AHRR: variants seen among roughly 807,000 people sequenced by gnomAD.
AHRR encodes ahR repressor.
Under a neutral mutation model 44.0 loss-of-function variants are expected in AHRR, and 28 were observed. The observed-to-expected ratio is 0.64, with a 90% CI of 0.47 to 0.87. The LOEUF (loss-of-function observed/expected upper bound fraction) is 0.87. Ranked by LOEUF, AHRR falls within the 40% of genes least tolerant of loss-of-function variation. The probability of loss-of-function intolerance (pLI) is 0.00; values close to 1 mark genes in which losing one functional copy is unlikely to be tolerated. For synonymous variants in AHRR, 434 were observed against 407.0 expected, an observed-to-expected ratio of 1.07 and a Z score of -0.80; for missense variants, 990 against 953.9, an observed-to-expected ratio of 1.04 and a Z score of -0.50.
chr5:343,782 G>A (rs1223088245), intron 1 of AHRR, 111 bp from the exon 2 acceptor site: 9 of 1,086,408 alleles, frequency 8.3e-6, no homozygotes, highest in Non-Finnish European at 1.2e-5. Context: ...GGGGCCTCGC[G>A]GGGTCGCGGG....
rs889887054 is a variant in AHRR at position 342,956 on chromosome 5, G to C, written c.-10-937G>C. ...GCTGGACTCAGGGCGCTGTGAGCTA[G>C]TGACTTAAGTGGAATCCCAGGACTG... On this transcript the variant is annotated intron_variant, in intron 1 of 10. Transcript: ENST00000684583. This position sits in a 1 kb window ranked among gnomAD's most constrained non-coding sequence, Gnocchi z 4.3. Among the ~76,000 whole-genome samples the C allele has an allele frequency of 6.6e-6, 1 of 152,212 alleles. No individual in the cohort carries two copies. Among genetic ancestry groups the C allele is most frequent in the Non-Finnish European group, 1.5e-5 (1 of 68,036 alleles).
intron 4 of AHRR, chr5:403,831 T>G: frequency 1.3e-6 from 2 of 1,548,600 alleles, no homozygotes; most frequent in African/African-American, 1.4e-5. Flanking sequence ...CTTCTCTTCC[T>G]TTTTGCTCAA....
intron 4 of AHRR, among the ~76,000 whole-genome samples, chr5:393,923 C>G (rs984439561): frequency 6.6e-6 from 1 of 152,200 alleles, no homozygotes; most frequent in African/African-American, 2.4e-5. Flanking sequence ...CCGCTGCGCC[C>G]GGCCTATTGC....
At position 353,749 on chromosome 5, in the gene AHRR, G is replaced by C; in HGVS notation, c.82G>C (p.Glu28Gln). Residue 28 changes from glutamate (E) to glutamine (Q), a missense_variant, in exon 3 of 11, where the codon GAG becomes CAG. Transcript: ENST00000684583. ...CCACAGGAGGCCCGCCGTGGGGGCA[G>C]AGAAGTCCAACCCCTCCAAGCGACA... is the stretch of plus-strand genomic sequence containing the variant. ...LQKQRPAVGA[E>Q]KSNPSKRHRD... The C allele has an allele frequency of 6.2e-7, 1 of 1,611,720 alleles. No homozygotes were observed.
intron 7 of AHRR, among the ~76,000 whole-genome samples, chr5:425,737 G>A (rs922591539): frequency 1.3e-5 from 2 of 152,220 alleles, no homozygotes; most frequent in African/African-American, 4.8e-5. Context: ...AAACAAGCCA[G>A]AGAAATTAGA....
At position 365,422 on chromosome 5, in the gene AHRR, A is replaced by T. The variant is rs1234036017; in HGVS notation, c.245-11188A>T. On this transcript the variant is annotated intron_variant, in intron 3 of 10. Coordinates refer to ENST00000684583, the MANE Select transcript of AHRR (RefSeq NM_001377236.1). ...AACGCATAGGTCAAAGAAGAAAAGA[A>T]GATGTAATTTAGAAATATTTAAAAT... Among the ~76,000 whole-genome samples the T allele has an allele frequency of 2.0e-5, 3 of 152,220 alleles. No homozygotes were observed. In the East Asian group the frequency reaches 5.8e-4, roughly 29 times the overall value.
intron 3 of AHRR, among the ~76,000 whole-genome samples, chr5:368,532 A>G (rs989399754): frequency 6.6e-6 from 1 of 152,368 alleles, no homozygotes; most frequent in African/African-American, 2.4e-5. Context: ...AGAATGCCCA[A>G]ATAGTTTGCT....
chr5:339,540 A>G (rs1466954391), intron 1 of AHRR, among the ~76,000 whole-genome samples: 3 of 151,706 alleles, frequency 2.0e-5, no homozygotes, highest in Non-Finnish European at 4.4e-5. Flanking sequence ...TACTTACTTT[A>G]CTGACTTATT....
rs371041924 is a variant in AHRR at position 434,336 on chromosome 5, C to T, written c.1596C>T (p.Ser532=). 6.2e-7 allele frequency: 1 copy of T among 1,612,620 alleles called. No individual in the cohort carries two copies. Among genetic ancestry groups the T allele is most frequent in the African/African-American group, 1.3e-5 (1 of 75,024 alleles). Residue 532 remains serine (S), a synonymous_variant, in exon 11 of 11, where the codon TCC becomes TCT. Coordinates refer to ENST00000684583, the MANE Select transcript of AHRR (RefSeq NM_001377236.1). The part of the protein sequence containing the change: ...LCGPTLLLDV[S]IKMEKDSGCE... ...GTCCGACGCTGCTGCTAGATGTGTCCATCAAGATGGAGAAGGACTCTGGGT... is the reference window on the plus strand; with the variant it reads ...GTCCGACGCTGCTGCTAGATGTGTCTATCAAGATGGAGAAGGACTCTGGGT...
At chr5:351,491 A>G (rs965318952) in intron 2 of AHRR, among the ~76,000 whole-genome samples, 1 of 152,222 alleles carries the variant, frequency 6.6e-6, no homozygotes, top group Non-Finnish European at 1.5e-5. Flanking sequence ...TGTGAGAAAG[A>G]AGCCGGCCAC....
chr5:375,103 G>C (rs1743733331), intron 3 of AHRR, among the ~76,000 whole-genome samples: 1 of 152,216 alleles, frequency 6.6e-6, no homozygotes, highest in African/African-American at 2.4e-5. Context: ...CCACAATGAG[G>C]TTCAGGCCAC....
Position 353,783 on chromosome 5 carries a change from G to A in AHRR, c.116G>A (p.Arg39His), listed in dbSNP as rs773432660. 33 of 1,613,420 alleles carry A rather than the reference G, an allele frequency of 2.0e-5. No homozygotes were observed. The highest frequency in any genetic ancestry group is 4.0e-5 in the African/African-American group (3 of 74,928). The change falls in exon 3 of 11, where the codon CGC (arginine) becomes CAC (histidine). Residue 39 changes from arginine to histidine, a missense_variant. Arg to His is a conservative substitution (Grantham distance 29, BLOSUM62 0). Transcript: ENST00000684583. ...KSNPSKRHRDRLNAELDHLAS... is the reference protein window; with the variant it reads ...KSNPSKRHRDHLNAELDHLAS... ...AACCCCTCCAAGCGACACCGGGACC[G>A]CCTCAACGCCGAGTTGGACCACCTG...
intron 4 of AHRR, among the ~76,000 whole-genome samples, chr5:391,433 C>T (rs1404441268): frequency 9.6e-6 from 1 of 104,414 alleles, no homozygotes; most frequent in Middle Eastern, 5.0e-3. Flanking sequence ...GGGGGCAGGG[C>T]GAGGCGGGCG....
At position 373,921 on chromosome 5, in the gene AHRR, G is replaced by C. The variant is rs556379129; in HGVS notation, c.245-2689G>C. Among the ~76,000 whole-genome samples the C allele has an allele frequency of 1.1e-4, 16 of 151,164 alleles. No homozygotes were observed. In the South Asian group the frequency reaches 2.7e-3, roughly 25 times the overall value. On this transcript the variant is annotated intron_variant, in intron 3 of 10. Transcript: ENST00000684583. ...CGCGTGACGGCGCCGGCGGCTGCGG[G>C]GGAAGTAGGGGGGAAGTGGGCGGGC...
intron 3 of AHRR, among the ~76,000 whole-genome samples, chr5:369,928 C>T (rs987999309): frequency 2.6e-5 from 4 of 152,262 alleles, no homozygotes; most frequent in Admixed American, 1.3e-4. Flanking sequence ...GCTCTGGTCC[C>T]CTCATTTGAC....
chr5:415,729 G>A (rs1251714739), intron 5 of AHRR, among the ~76,000 whole-genome samples: 1 of 152,182 alleles, frequency 6.6e-6, no homozygotes, highest in Non-Finnish European at 1.5e-5. Context: ...GAGGCCTAGG[G>A]GCTGTGCAGA....
intron 4 of AHRR, chr5:403,700 T>C: frequency 1.1e-6 from 1 of 877,590 alleles, no homozygotes; most frequent in Non-Finnish European, 1.8e-6. Flanking sequence ...TTTTTTACTT[T>C]CTCTCAGAGG....
At chr5:423,748 CT>C in intron 6 of AHRR, 92 bp from the exon 7 acceptor site, 2 of 1,467,972 alleles carry the variant, frequency 1.4e-6, no homozygotes, top group East Asian at 4.7e-5. Flanking sequence ...TTTACATGAC[CT>C]GGCGCGTGAG....
chr5:379,202 G>T (rs187671179), intron 4 of AHRR, among the ~76,000 whole-genome samples: 15 of 152,196 alleles, frequency 9.9e-5, no homozygotes, highest in Non-Finnish European at 2.1e-4. Context: ...ACGGTGCTGC[G>T]GGTCACCAGC....
Sources: allele counts gnomAD v4.1 joint callset (sites outside exome capture counted in the v4.1 genomes callset), GRCh38; gene constraint gnomAD v4.1.1; non-coding constraint Gnocchi (gnomAD v3.1); transcripts MANE v1.5; gene names NCBI Gene and HGNC (gene_info 2026-07-23, HGNC 2026-07-21).